Variants in GPR161 observed in about 807,000 individuals in gnomAD.
The protein encoded by GPR161 is G-protein coupled receptor RE2.
GPR161 carries 25 observed loss-of-function variants against 39.2 expected under a neutral mutation model. That is an observed-to-expected ratio of 0.64 (90% CI 0.47 to 0.89). The LOEUF is 0.89. Ranked by LOEUF, GPR161 falls within the 40% of genes least tolerant of loss-of-function variation. The probability of loss-of-function intolerance (pLI) is 0.00; values close to 1 mark genes in which losing one functional copy is unlikely to be tolerated. For synonymous variants in GPR161, 286 were observed against 276.6 expected (o/e 1.03, Z -0.34); for missense variants, 547 against 677.8 (o/e 0.81, Z 2.14).
At chr1:168,132,445 G>A (rs1421227679) in intron 1 of GPR161, among the ~76,000 whole-genome samples, 25 of 149,570 alleles carry the variant, frequency 1.7e-4, no homozygotes, top group South Asian at 6.4e-4. Flanking sequence ...AAAATTAGCC[G>A]GGCGTGGTGG....
chr1:168,099,831 T>C (rs1373814683), intron 2 of GPR161, among the ~76,000 whole-genome samples: 1 of 126,686 alleles, frequency 7.9e-6, no homozygotes, highest in Non-Finnish European at 1.6e-5. Context: ...TTTAAGTTTT[T>C]TTTTTGGGGG....
At chr1:168,136,582 CG>C (rs983006296) in intron 1 of GPR161, 156 bp downstream of exon 1, 1 of 1,235,372 alleles carries the variant, frequency 8.1e-7, no homozygotes, top group African/African-American at 1.6e-5. Context: ...CCCTGACCTC[CG>C]AGAGGGGCGC....
chr1:168,088,320 C>T (rs1381198336), intron 4 of GPR161: 3 of 152,428 alleles, frequency 2.0e-5, no homozygotes, highest in Non-Finnish European at 4.4e-5. Flanking sequence ...GGACCCATCA[C>T]TCAACAGTGC....
At chr1:168,120,816 T>G (rs542393962) in intron 1 of GPR161, among the ~76,000 whole-genome samples, 1 of 152,264 alleles carries the variant, frequency 6.6e-6, no homozygotes, top group Non-Finnish European at 1.5e-5. Flanking sequence ...GGTAGTCACT[T>G]CTACTTTGCC....
In GPR161 at chr1:168,085,715, G is replaced by A. The variant is rs760237330; in HGVS notation, c.1406C>T (p.Ala469Val). The A allele has an allele frequency of 6.2e-7, 1 of 1,614,206 alleles. No individual in the cohort carries two copies. Among genetic ancestry groups the A allele is most frequent in the South Asian group, 1.1e-5 (1 of 91,086 alleles). The change falls in exon 6 of 6, where the codon GCC becomes GTC. Residue 469 changes from alanine (A) to valine (V), a missense_variant. Coordinates refer to ENST00000682931, the MANE Select transcript of GPR161 (RefSeq NM_001375883.1). The part of the protein sequence containing the change: ...LDSYAASLAK[A>V]IEAEAKINLF... ...GTTGATTTTGGCTTCGGCCTCAATG[G>A]CTTTGGCCAAGCTTGCTGCGTAACT...
intron 1 of GPR161, among the ~76,000 whole-genome samples, chr1:168,131,989 G>T (rs1295764093): frequency 6.6e-6 from 1 of 152,216 alleles, no homozygotes; most frequent in Non-Finnish European, 1.5e-5. Context: ...AACTGGCCAG[G>T]CGCGGTGACT....
At chr1:168,091,810 G>A (rs936113255) in intron 3 of GPR161, among the ~76,000 whole-genome samples, 11 of 152,242 alleles carry the variant, frequency 7.2e-5, no homozygotes, top group East Asian at 3.9e-4. Context: ...ATAACAAAAC[G>A]CTCTTAGAAA....
In GPR161 at chr1:168,083,014, A is replaced by T. The variant is rs1694181347; in HGVS notation, c.*2517T>A. 1 of 152,156 alleles carries T rather than the reference A, an allele frequency of 6.6e-6. No homozygotes were observed. The highest frequency in any genetic ancestry group is 1.5e-5 in the Non-Finnish European group (1 of 68,040). The allele number at this position is 152,156 out of a possible 1,614,324, so 9.4% of individuals were successfully genotyped here. ...CTTAGCTCAAACTGTCACTTACCTC[A>T]TGGAGCCATCCCTAACTCCATATTT... On this transcript the variant is annotated 3_prime_UTR_variant, in exon 6 of 6. Coordinates refer to ENST00000682931, the MANE Select transcript of GPR161 (RefSeq NM_001375883.1).
chr1:168,136,345 G>C (rs756077704), intron 1 of GPR161: 8 of 1,476,910 alleles, frequency 5.4e-6, no homozygotes, highest in Non-Finnish European at 6.3e-6. Flanking sequence ...TTGGCCCCAG[G>C]GGGCGCGGCC....
At chr1:168,129,880 T>A (rs1393505209) in intron 1 of GPR161, among the ~76,000 whole-genome samples, 1 of 152,198 alleles carries the variant, frequency 6.6e-6, no homozygotes, top group Admixed American at 6.5e-5. Flanking sequence ...TAGAGGGTAG[T>A]CCTAGCCAAA....
intron 1 of GPR161, among the ~76,000 whole-genome samples, chr1:168,116,777 T>C (rs1697671663): frequency 6.6e-6 from 1 of 152,198 alleles, no homozygotes; most frequent in African/African-American, 2.4e-5. Context: ...GCAGAGTCTG[T>C]TGCAATGCAC....
intron 1 of GPR161, among the ~76,000 whole-genome samples, chr1:168,111,267 G>A (rs112534798): frequency 6.6e-6 from 1 of 152,140 alleles, no homozygotes; most frequent in South Asian, 2.1e-4. Flanking sequence ...ACTTTGTCTG[G>A]TGTCCAACCC....
At chr1:168,107,879 C>T (rs1696749274) in intron 1 of GPR161, among the ~76,000 whole-genome samples, 1 of 152,230 alleles carries the variant, frequency 6.6e-6, no homozygotes. Flanking sequence ...CTCTCCTACA[C>T]TTCCAGTAAA....
intron 1 of GPR161, among the ~76,000 whole-genome samples, chr1:168,121,442 G>A (rs1572365173): frequency 6.6e-6 from 1 of 152,084 alleles, no homozygotes; most frequent in East Asian, 1.9e-4. Flanking sequence ...AAGGGCAGCT[G>A]GCCTCTCTCC....
intron 1 of GPR161, among the ~76,000 whole-genome samples, chr1:168,125,576 C>T (rs539463405): frequency 6.6e-6 from 1 of 151,684 alleles, no homozygotes; most frequent in East Asian, 1.9e-4. Context: ...GATATTTGCA[C>T]AGGCCTGCAT....
upstream of GPR161, chr1:168,137,580 A>G: frequency 1.6e-6 from 1 of 613,838 alleles, no homozygotes; most frequent in Non-Finnish European, 2.9e-6. Context: ...AGTCATCACA[A>G]AACAAAGAGC....
At chr1:168,105,762 T>C (rs933463908) in intron 1 of GPR161, among the ~76,000 whole-genome samples, 2 of 152,244 alleles carry the variant, frequency 1.3e-5, no homozygotes, top group African/African-American at 4.8e-5. Flanking sequence ...CACATGTTAA[T>C]GTTAAATCCT....
chr1:168,124,058 G>A, intron 1 of GPR161, among the ~76,000 whole-genome samples: 1 of 152,212 alleles, frequency 6.6e-6, no homozygotes, highest in Non-Finnish European at 1.5e-5. Flanking sequence ...ATATGATGAT[G>A]CAGTCAGCTC....
In GPR161 at chr1:168,104,681, T is replaced by C; in HGVS notation, c.170A>G (p.Tyr57Cys). The change falls in exon 2 of 6, where the codon TAC becomes TGC. Residue 57 changes from tyrosine to cysteine, a missense_variant. Coordinates refer to ENST00000682931, the MANE Select transcript of GPR161 (RefSeq NM_001375883.1). ...GAACTTGTTGCTGAGGGTGAGGAGGTAGGACTTCTTGTACAAGGTGACCAC... is the reference window on the plus strand; with the variant it reads ...GAACTTGTTGCTGAGGGTGAGGAGGCAGGACTTCTTGTACAAGGTGACCAC... ...VIVVTLYKKS[Y>C]LLTLSNKFVF... 6.2e-7 allele frequency: 1 copy of C among 1,613,234 alleles called. No individual in the cohort carries two copies. Among genetic ancestry groups the C allele is most frequent in the East Asian group, 2.2e-5 (1 of 44,866 alleles).
Sources: gnomAD v4.1 joint callset for allele counts (sites outside exome capture counted in the v4.1 genomes callset) on GRCh38, gnomAD v4.1.1 for gene constraint, MANE v1.5 for transcripts, NCBI Gene and HGNC (gene_info 2026-07-23, HGNC 2026-07-21) for gene names.